The following NPAS3 variants were observed in gnomAD, a reference collection of about 807,000 sequenced individuals.
NPAS3 encodes the protein neuronal PAS domain protein 3, also known as neuronal PAS domain-containing protein 3.
Under a neutral mutation model 73.1 loss-of-function variants are expected in NPAS3, and 14 were observed. That is an observed-to-expected ratio of 0.19 (90% CI 0.13 to 0.30). The LOEUF is 0.30. Ranked by LOEUF, NPAS3 falls within the 10% of genes least tolerant of loss-of-function variation. NPAS3 has a pLI of 1.00. For missense variants in NPAS3, 1,096 were observed against 1,250.0 expected (o/e 0.88, Z 1.86); for synonymous variants, 620 against 541.5 (o/e 1.14, Z -2.01).
intron 3 of NPAS3, among the ~76,000 whole-genome samples, chr14:33,303,133 T>A (rs1394021091): frequency 6.6e-6 from 1 of 152,150 alleles, no homozygotes; most frequent in African/African-American, 2.4e-5. Context: ...TGTCGCCAGA[T>A]ATTTTTTTCC....
intron 6 of NPAS3, among the ~76,000 whole-genome samples, chr14:33,683,658 C>A (rs2060005242): frequency 6.6e-6 from 1 of 152,158 alleles, no homozygotes; most frequent in African/African-American, 2.4e-5. Context: ...ATTGACTGAG[C>A]TTTGCAGGGT....
chr14:33,513,054 T>C (rs941736089), intron 4 of NPAS3, among the ~76,000 whole-genome samples: 1 of 152,050 alleles, frequency 6.6e-6, no homozygotes, highest in Non-Finnish European at 1.5e-5. Flanking sequence ...CCAATATCCT[T>C]AGCATAACTG....
intron 4 of NPAS3, among the ~76,000 whole-genome samples, chr14:33,381,966 A>G (rs1306897097): frequency 6.6e-6 from 1 of 152,116 alleles, no homozygotes; most frequent in African/African-American, 2.4e-5. Context: ...ACAGACATGG[A>G]GACTTGGGGC....
intron 3 of NPAS3, among the ~76,000 whole-genome samples, chr14:33,254,943 A>G (rs1301195003): frequency 1.3e-5 from 2 of 151,904 alleles, no homozygotes; most frequent in African/African-American, 4.8e-5. Context: ...TATTTCTGGA[A>G]ACATTGGAGG....
At chr14:33,353,119 A>G (rs976626144) in intron 3 of NPAS3, among the ~76,000 whole-genome samples, 1 of 151,724 alleles carries the variant, frequency 6.6e-6, no homozygotes, top group Non-Finnish European at 1.5e-5. Flanking sequence ...CCAGATAGAA[A>G]GTTCAACCTC....
intron 3 of NPAS3, among the ~76,000 whole-genome samples, chr14:33,293,884 T>TG (rs2042192951): frequency 6.6e-6 from 1 of 152,198 alleles, no homozygotes; most frequent in Non-Finnish European, 1.5e-5. Context: ...AGTAATTGGA[T>TG]GGCTCAGGGT....
chr14:33,423,421 C>T (rs1213276639), intron 4 of NPAS3, among the ~76,000 whole-genome samples: 1 of 151,902 alleles, frequency 6.6e-6, no homozygotes, highest in Non-Finnish European at 1.5e-5. Flanking sequence ...CCCAAATATA[C>T]CTTGCTAAAA....
rs182025819 is a variant in NPAS3 at position 33,440,104 on chromosome 14, A to G, written c.468+72836A>G. Among the ~76,000 whole-genome samples, 152 of 148,906 alleles carry G rather than the reference A, an allele frequency of 1.0e-3. 1 individual carries two copies. Among genetic ancestry groups the G allele is most frequent in the Non-Finnish European group, 1.9e-3 (127 of 67,394 alleles). ...GCACTCCAGCCTGGGCAACAGAGTGACAGTCTGTCTCAAAAAAAAAAAAAA... is the reference window on the plus strand; with the variant it reads ...GCACTCCAGCCTGGGCAACAGAGTGGCAGTCTGTCTCAAAAAAAAAAAAAA... On this transcript the variant is annotated intron_variant, in intron 4 of 11. Coordinates refer to ENST00000356141, the Ensembl canonical transcript of NPAS3.
intron 1 of NPAS3, among the ~76,000 whole-genome samples, chr14:32,999,367 T>C (rs1314950955): frequency 3.3e-5 from 5 of 151,994 alleles, no homozygotes; most frequent in Admixed American, 6.6e-5. Context: ...AAAAATTGGC[T>C]AGGCGTGGTG....
At chr14:33,742,767 T>A (rs1197314947) in intron 7 of NPAS3, among the ~76,000 whole-genome samples, 1 of 152,248 alleles carries the variant, frequency 6.6e-6, no homozygotes, top group South Asian at 2.1e-4. Context: ...CTTTCAAAAC[T>A]GAAGTCAAGC....
chr14:32,946,964 G>A (rs1373855526), intron 1 of NPAS3, among the ~76,000 whole-genome samples: 1 of 152,076 alleles, frequency 6.6e-6, no homozygotes, highest in Non-Finnish European at 1.5e-5. Flanking sequence ...GAATTAAAGG[G>A]CTGTGAGTTG....
intron 7 of NPAS3, among the ~76,000 whole-genome samples, chr14:33,755,836 G>A (rs745719692): frequency 6.8e-4 from 103 of 152,164 alleles, no homozygotes; most frequent in African/African-American, 1.1e-3. Context: ...GCTTCCACTC[G>A]TGGCAGAAGG....
chr14:33,492,408 T>A (rs963890610), intron 4 of NPAS3, among the ~76,000 whole-genome samples: 2 of 152,156 alleles, frequency 1.3e-5, no homozygotes, highest in African/African-American at 4.8e-5. Context: ...AGTCTGGGCC[T>A]GAATCTGATA....
chr14:33,744,512 G>T (rs2061737336), intron 7 of NPAS3, among the ~76,000 whole-genome samples: 1 of 152,168 alleles, frequency 6.6e-6, no homozygotes, highest in Non-Finnish European at 1.5e-5. Flanking sequence ...TTTGGGCCAG[G>T]CATGGTGGCT....
chr14:33,004,744 T>G (rs1374175598), intron 1 of NPAS3, among the ~76,000 whole-genome samples: 4 of 149,580 alleles, frequency 2.7e-5, no homozygotes, highest in African/African-American at 9.7e-5. Flanking sequence ...CATAAATACA[T>G]TGTACAGGTA....
At chr14:33,525,862 A>G (rs182369203) in intron 4 of NPAS3, among the ~76,000 whole-genome samples, 4 of 152,282 alleles carry the variant, frequency 2.6e-5, no homozygotes, top group East Asian at 3.9e-4. Flanking sequence ...TTCTTTGGCT[A>G]TCTGACAAAG....
intron 4 of NPAS3, among the ~76,000 whole-genome samples, chr14:33,405,147 A>G (rs61974963): frequency 0.075 from 11,387 of 152,068 alleles, 595 homozygotes; most frequent in Non-Finnish European, 0.11. Context: ...ATGGCGGGTA[A>G]TGGCTGCATG....
At chr14:33,477,703 C>T (rs1165361249) in intron 4 of NPAS3, among the ~76,000 whole-genome samples, 1 of 152,138 alleles carries the variant, frequency 6.6e-6, no homozygotes, top group Non-Finnish European at 1.5e-5. Context: ...AGTTCATTTG[C>T]CCCTTACAGC....
At chr14:33,544,803 TA>T (rs1482631394) in intron 4 of NPAS3, among the ~76,000 whole-genome samples, 5 of 94,760 alleles carry the variant, frequency 5.3e-5, no homozygotes, top group South Asian at 3.0e-4. Flanking sequence ...TATATATATA[TA>T]TATATATGTA....
Sources: gnomAD v4.1 joint callset for allele counts (sites outside exome capture counted in the v4.1 genomes callset) on GRCh38, gnomAD v4.1.1 for gene constraint, MANE v1.5 for transcripts, NCBI Gene and HGNC (gene_info 2026-07-23, HGNC 2026-07-21) for gene names.